ULK4: variants seen among roughly 807,000 people sequenced by gnomAD.
The protein encoded by ULK4 is unc-51 like kinase 4.
In ULK4, 133 loss-of-function variants were observed where a neutral mutation model predicts 160.6. That is an observed-to-expected ratio of 0.83 (90% CI 0.72 to 0.96). The LOEUF (loss-of-function observed/expected upper bound fraction) is 0.96, where lower values mean the gene tolerates loss of function less well. Among genes scored for constraint, ULK4 ranks in the 40% least tolerant of loss-of-function variants. ULK4 has a pLI of 0.00. For missense variants in ULK4, 1,580 were observed against 1,499.5 expected (o/e 1.05, Z -0.89); for synonymous variants, 534 against 539.8 (o/e 0.99, Z 0.15).
intron 30 of ULK4, among the ~76,000 whole-genome samples, chr3:41,658,431 T>G (rs972924407): frequency 6.6e-6 from 1 of 152,214 alleles, no homozygotes; most frequent in East Asian, 1.9e-4. Context: ...CTTAAATATC[T>G]TTTGATAAGC....
intron 21 of ULK4, among the ~76,000 whole-genome samples, chr3:41,760,204 T>C (rs1225969411): frequency 6.6e-6 from 1 of 152,148 alleles, no homozygotes; most frequent in Non-Finnish European, 1.5e-5. Flanking sequence ...ATCATTATAG[T>C]AGTGCAAATT....
chr3:41,432,307 G>A (rs1310505041), intron 34 of ULK4, among the ~76,000 whole-genome samples: 3 of 151,944 alleles, frequency 2.0e-5, no homozygotes, highest in Non-Finnish European at 4.4e-5. Context: ...ACTTTAAATG[G>A]CGTTTTCTTC....
intron 34 of ULK4, among the ~76,000 whole-genome samples, chr3:41,401,932 C>G (rs1046427849): frequency 1.3e-5 from 2 of 152,090 alleles, no homozygotes; most frequent in Non-Finnish European, 1.5e-5. Flanking sequence ...AGGAACTTCT[C>G]CTTTAGCACA....
At chr3:41,873,380 C>T (rs1425149053) in intron 17 of ULK4, among the ~76,000 whole-genome samples, 1 of 152,096 alleles carries the variant, frequency 6.6e-6, no homozygotes, top group Non-Finnish European at 1.5e-5. Context: ...ACAGCAATAA[C>T]CACCATCTCA....
chr3:41,593,563 T>C lies in ULK4; in HGVS notation c.3120+22106A>G, dbSNP rs147775795. Among the ~76,000 whole-genome samples, 1,354 of 152,308 alleles carry C rather than the reference T, an allele frequency of 8.9e-3. 10 individuals carry two copies. The highest frequency in any genetic ancestry group is 0.014 in the Non-Finnish European group (974 of 68,018). ...CCGGTCTATAGTTGATAGTTATATT[T>C]ACATCAGTAACTACAGAGAGAGAGA... On this transcript the variant is annotated intron_variant, in intron 31 of 36. Coordinates refer to ENST00000301831, the MANE Select transcript of ULK4 (RefSeq NM_017886.4).
chr3:41,774,497 G>T (rs1448700363), intron 21 of ULK4, among the ~76,000 whole-genome samples: 1 of 149,628 alleles, frequency 6.7e-6, no homozygotes, highest in Non-Finnish European at 1.5e-5. Context: ...GGCCATCAGA[G>T]AAATGCAAAT....
intron 9 of ULK4, among the ~76,000 whole-genome samples, chr3:41,912,494 C>T (rs942251368): frequency 5.9e-5 from 9 of 152,132 alleles, no homozygotes; most frequent in African/African-American, 2.2e-4. Flanking sequence ...CACATGACCA[C>T]ACCTAACATA....
chr3:41,956,381 C>A (rs1216899506), intron 1 of ULK4, among the ~76,000 whole-genome samples: 1 of 152,134 alleles, frequency 6.6e-6, no homozygotes, highest in East Asian at 1.9e-4. Flanking sequence ...TCAGGTGGCT[C>A]CCACACTGTG....
intron 27 of ULK4, among the ~76,000 whole-genome samples, chr3:41,704,475 C>A (rs1470143010): frequency 6.6e-6 from 1 of 152,204 alleles, no homozygotes; most frequent in Non-Finnish European, 1.5e-5. Flanking sequence ...GGGGACCTTT[C>A]TGCAGAAAGA....
intron 17 of ULK4, among the ~76,000 whole-genome samples, chr3:41,853,561 C>A (rs922253478): frequency 6.6e-6 from 1 of 152,134 alleles, no homozygotes; most frequent in Non-Finnish European, 1.5e-5. Flanking sequence ...GTTCTAACTG[C>A]CACAGGATTT....
intron 35 of ULK4, among the ~76,000 whole-genome samples, chr3:41,334,077 C>T (rs145667667): frequency 3.3e-5 from 5 of 152,216 alleles, no homozygotes; most frequent in African/African-American, 9.6e-5. Flanking sequence ...CACATACACA[C>T]ACACCGGCAA....
chr3:41,834,632 T>C (rs1034113571), intron 18 of ULK4, among the ~76,000 whole-genome samples: 37 of 152,254 alleles, frequency 2.4e-4, no homozygotes, highest in Admixed American at 1.0e-3. Flanking sequence ...ACTCATGTTT[T>C]ATAACAATCA....
At chr3:41,635,674 T>C (rs1028113162) in intron 30 of ULK4, among the ~76,000 whole-genome samples, 1 of 152,300 alleles carries the variant, frequency 6.6e-6, no homozygotes, top group South Asian at 2.1e-4. Flanking sequence ...CTTCAATTAA[T>C]GTCTAACAAC....
intron 30 of ULK4, among the ~76,000 whole-genome samples, chr3:41,658,945 A>C (rs1044909278): frequency 2.0e-5 from 3 of 152,244 alleles, no homozygotes; most frequent in African/African-American, 7.2e-5. Context: ...GGTAACATTC[A>C]AAGCGGCACA....
chr3:41,608,774 C>A (rs1219784290), intron 31 of ULK4, among the ~76,000 whole-genome samples: 1 of 152,178 alleles, frequency 6.6e-6, no homozygotes, highest in Non-Finnish European at 1.5e-5. Context: ...TCAGGGGAGC[C>A]ACATCCACTG....
At chr3:41,339,911 A>G (rs2080646139) in intron 35 of ULK4, among the ~76,000 whole-genome samples, 1 of 152,198 alleles carries the variant, frequency 6.6e-6, no homozygotes. Flanking sequence ...TATTATTTGC[A>G]TAAATTTGTA....
chr3:41,874,888 T>C (rs1697243477), intron 17 of ULK4, among the ~76,000 whole-genome samples: 3 of 152,204 alleles, frequency 2.0e-5, no homozygotes, highest in Admixed American at 2.0e-4. Flanking sequence ...ATTAATTAAT[T>C]AGCAGTCAGG....
chr3:41,756,788 T>C (rs1214529807), intron 21 of ULK4, among the ~76,000 whole-genome samples: 1 of 152,206 alleles, frequency 6.6e-6, no homozygotes, highest in East Asian at 1.9e-4. Flanking sequence ...TACATATGCA[T>C]ATTGGAGCCT....
chr3:41,680,562 G>A (rs2035892265), intron 29 of ULK4, among the ~76,000 whole-genome samples: 1 of 152,130 alleles, frequency 6.6e-6, no homozygotes, highest in Admixed American at 6.5e-5. Context: ...TCTTTAATGT[G>A]AACCTAATAT....
Sources: gnomAD v4.1 joint callset for allele counts (sites outside exome capture counted in the v4.1 genomes callset) on GRCh38, gnomAD v4.1.1 for gene constraint, MANE v1.5 for transcripts, NCBI Gene and HGNC (gene_info 2026-07-23, HGNC 2026-07-21) for gene names.